The following SIDT1 variants were observed in gnomAD, a reference collection of about 807,000 sequenced individuals.
The protein encoded by SIDT1 is SID1 transmembrane family member 1, also known as SID1 transmembrane family, member 1.
SIDT1 carries 101 observed loss-of-function variants against 107.5 expected under a neutral mutation model. That is an observed-to-expected ratio of 0.94 (90% CI 0.80 to 1.11). SIDT1 has a LOEUF of 1.11. Among genes scored for constraint, SIDT1 ranks in the 50% least tolerant of loss-of-function variants. SIDT1 has a pLI of 0.00. For synonymous variants in SIDT1, 395 were observed against 398.2 expected (o/e 0.99, Z 0.10); for missense variants, 1,076 against 1,058.2 (o/e 1.02, Z -0.23).
chr3:113,584,790 G>T (rs764990988), intron 8 of SIDT1, 21 bp downstream of exon 8: 1 of 1,502,446 alleles, frequency 6.7e-7, no homozygotes, highest in Non-Finnish European at 9.0e-7. Flanking sequence ...GCTCCAGAAT[G>T]CATTGAAGAG....
intron 3 of SIDT1, among the ~76,000 whole-genome samples, chr3:113,576,594 T>C (rs1942918971): frequency 6.6e-6 from 1 of 152,170 alleles, no homozygotes; most frequent in African/African-American, 2.4e-5. Context: ...CTGTGCTTGA[T>C]TGTAAAATCA....
At chr3:113,540,131 C>G (rs1938643730) in intron 1 of SIDT1, among the ~76,000 whole-genome samples, 1 of 152,140 alleles carries the variant, frequency 6.6e-6, no homozygotes, top group African/African-American at 2.4e-5. Flanking sequence ...GCACAGAGAT[C>G]ACATGGTGAG....
At chr3:113,554,984 C>A (rs1239781657) in intron 1 of SIDT1, among the ~76,000 whole-genome samples, 1 of 152,208 alleles carries the variant, frequency 6.6e-6, no homozygotes, top group African/African-American at 2.4e-5. Flanking sequence ...GGTCATGGCA[C>A]TTAAAACCTT....
At chr3:113,620,216 G>GTGTGTGTA (rs1354889820) in intron 21 of SIDT1, among the ~76,000 whole-genome samples, 1 of 151,932 alleles carries the variant, frequency 6.6e-6, no homozygotes, top group Non-Finnish European at 1.5e-5. Flanking sequence ...GTGTGTGTGT[G>GTGTGTGTA]TGTGTGTGCA....
chr3:113,600,297 G>A (rs1944869387), intron 10 of SIDT1, among the ~76,000 whole-genome samples: 1 of 151,970 alleles, frequency 6.6e-6, no homozygotes, highest in Admixed American at 6.6e-5. Context: ...GTGACAAAGT[G>A]AGACCCTGTC....
chr3:113,557,193 T>A lies in SIDT1; in HGVS notation c.223-9227T>A, dbSNP rs1472356210. On this transcript the variant is annotated intron_variant, in intron 1 of 24. Transcript: ENST00000264852. Reference sequence around the variant, plus strand: ...TGTCTGCTCAGGAATTCTTTAGGCCTGGCCTCCATGTTAATTCACTTTAAC... The same window carrying A: ...TGTCTGCTCAGGAATTCTTTAGGCCAGGCCTCCATGTTAATTCACTTTAAC... 3.3e-5 allele frequency among the ~76,000 whole-genome samples: 5 copies of A among 152,354 alleles called. No individual in the cohort carries two copies. The East Asian group carries it at 9.6e-4, about 29-fold the overall frequency.
At chr3:113,541,481 A>G (rs1332134551) in intron 1 of SIDT1, among the ~76,000 whole-genome samples, 2 of 152,144 alleles carry the variant, frequency 1.3e-5, no homozygotes, top group Non-Finnish European at 2.9e-5. Flanking sequence ...GTACATATAT[A>G]TTTAAAGTTC....
chr3:113,608,409 C>G lies in SIDT1; in HGVS notation c.1603-10C>G. On this transcript the variant is annotated splice_polypyrimidine_tract_variant and intron_variant, in intron 16 of 24. Transcript: ENST00000264852. ...TTAGTATCTATTGACCACCCTTTCT[C>G]CTTTTTCAGGAGTACGGGATTCCCA... is the stretch of plus-strand genomic sequence containing the variant. The G allele has an allele frequency of 1.2e-6, 2 of 1,601,940 alleles. No individual in the cohort carries two copies. Among genetic ancestry groups the G allele is most frequent in the Non-Finnish European group, 1.7e-6 (2 of 1,168,986 alleles).
chr3:113,582,965 A>G (rs1473667679), intron 6 of SIDT1, among the ~76,000 whole-genome samples: 1 of 152,188 alleles, frequency 6.6e-6, no homozygotes, highest in African/African-American at 2.4e-5. Flanking sequence ...AGAGTAACTC[A>G]AAGCCAAGAT....
chr3:113,600,907 G>A (rs1397738523), intron 10 of SIDT1, among the ~76,000 whole-genome samples: 1 of 152,180 alleles, frequency 6.6e-6, no homozygotes, highest in Non-Finnish European at 1.5e-5. Flanking sequence ...GTGCCAGGGA[G>A]CATGCATTCT....
chr3:113,541,141 C>T (rs202224603), intron 1 of SIDT1, among the ~76,000 whole-genome samples: 2 of 132,444 alleles, frequency 1.5e-5, no homozygotes, highest in South Asian at 2.3e-4. Context: ...TATACACACA[C>T]ATACACACAC....
intron 17 of SIDT1, among the ~76,000 whole-genome samples, chr3:113,610,090 T>C (rs1945628388): frequency 6.6e-6 from 1 of 152,252 alleles, no homozygotes; most frequent in South Asian, 2.1e-4. Context: ...TGTAGTGCAT[T>C]CATTTTTAAG....
chr3:113,570,545 G>A (rs768483697), intron 3 of SIDT1, among the ~76,000 whole-genome samples: 2 of 152,228 alleles, frequency 1.3e-5, no homozygotes, highest in Non-Finnish European at 2.9e-5. Flanking sequence ...TTGCACGCTG[G>A]TGAAACTGCA....
chr3:113,622,513 A>G (rs983111623), intron 21 of SIDT1, among the ~76,000 whole-genome samples: 3 of 151,836 alleles, frequency 2.0e-5, no homozygotes, highest in South Asian at 2.1e-4. Flanking sequence ...AAGAGATAAG[A>G]AAGAATTATG....
chr3:113,573,140 A>T (rs995710410), intron 3 of SIDT1, among the ~76,000 whole-genome samples: 1 of 152,188 alleles, frequency 6.6e-6, no homozygotes, highest in Non-Finnish European at 1.5e-5. Context: ...GTAGTCCAAC[A>T]TGACTCCTAC....
chr3:113,596,763 T>C (rs1944584122), intron 10 of SIDT1, among the ~76,000 whole-genome samples: 1 of 152,122 alleles, frequency 6.6e-6, no homozygotes, highest in Non-Finnish European at 1.5e-5. Flanking sequence ...TAATGAAGCC[T>C]CCCCAACAGG....
intron 1 of SIDT1, among the ~76,000 whole-genome samples, chr3:113,541,053 T>C (rs896968453): frequency 6.6e-6 from 1 of 152,052 alleles, no homozygotes. Flanking sequence ...ATTGTTAGAG[T>C]ATATAGCCAT....
intron 9 of SIDT1, chr3:113,590,216 C>A (rs1409895220): frequency 6.6e-6 from 1 of 152,188 alleles, no homozygotes; most frequent in Non-Finnish European, 1.5e-5. Flanking sequence ...AGCCCTCTGC[C>A]ATTCAGGAGT....
intron 17 of SIDT1, 71 bp downstream of exon 17, chr3:113,608,607 C>T (rs112143361): frequency 0.024 from 26,579 of 1,089,856 alleles, 409 homozygotes; most frequent in Non-Finnish European, 0.031. Flanking sequence ...CCCAAAAATG[C>T]CAAAGTCATG....
Sources: gnomAD v4.1 joint callset for allele counts (sites outside exome capture counted in the v4.1 genomes callset) on GRCh38, gnomAD v4.1.1 for gene constraint, MANE v1.5 for transcripts, NCBI Gene and HGNC (gene_info 2026-07-23, HGNC 2026-07-21) for gene names.